USP8: variants seen among roughly 807,000 people sequenced by gnomAD.
USP8 encodes the protein ubiquitin carboxyl-terminal hydrolase 8.
USP8 carries 27 observed loss-of-function variants against 130.0 expected under a neutral mutation model. The observed-to-expected ratio is 0.21, with a 90% CI of 0.15 to 0.29. USP8 has a LOEUF of 0.29. USP8 is among the 10% of genes least tolerant of loss of function. USP8 has a pLI of 1.00. For synonymous variants in USP8, 392 were observed against 444.1 expected, an observed-to-expected ratio of 0.88 and a Z score of 1.48; for missense variants, 1,029 against 1,312.2, an observed-to-expected ratio of 0.78 and a Z score of 3.33.
chr15:50,494,021 A>G, intron 15 of USP8, 49 bp from the exon 16 acceptor site: 1 of 1,584,738 alleles, frequency 6.3e-7, no homozygotes, highest in Non-Finnish European at 8.6e-7. Flanking sequence ...ACCTTGCTTA[A>G]CTTTTAAATT....
chr15:50,448,191 T>C (rs868807059), intron 3 of USP8, among the ~76,000 whole-genome samples: 8 of 152,228 alleles, frequency 5.3e-5, no homozygotes, highest in Non-Finnish European at 1.2e-4. Flanking sequence ...GAGCCAAAGA[T>C]AGGTACTTCT....
At chr15:50,496,928 A>G (rs11637031) in intron 17 of USP8, 161 bp from the exon 18 acceptor site, 139,665 of 844,032 alleles carry the variant, frequency 0.17, 13,104 homozygotes, top group Admixed American at 0.29. Flanking sequence ...TCACTTGTCT[A>G]TGCTTCTCAC....
intron 1 of USP8, among the ~76,000 whole-genome samples, chr15:50,431,165 C>CTGTGTGTGTGTGTGTGTG (rs56771450): frequency 0.15 from 20,720 of 140,802 alleles, 1,801 homozygotes; most frequent in Middle Eastern, 0.23. Flanking sequence ...GTGTGTGCCT[C>CTGTGTGTGTGTGTGTGTG]TGTGTGTGTG....
At chr15:50,492,948 T>A in intron 15 of USP8, 35 bp downstream of exon 15, 3 of 1,551,354 alleles carry the variant, frequency 1.9e-6, no homozygotes, top group Non-Finnish European at 2.7e-6. Flanking sequence ...ATTATAATGC[T>A]AAAAGGATGA....
chr15:50,500,971 T>G lies in USP8; in HGVS notation c.*1883T>G, dbSNP rs1170652563. The G allele has an allele frequency of 1.3e-6, 1 of 750,722 alleles. No individual in the cohort carries two copies. The highest frequency in any genetic ancestry group is 2.8e-5 in the East Asian group (1 of 35,896). 46.5% of individuals were successfully genotyped at this position (750,722 alleles called of 1,614,324 possible). A position where few individuals can be genotyped will look rare whatever the true frequency, so the allele number is the denominator to read the frequency against. On this transcript the variant is annotated 3_prime_UTR_variant, in exon 20 of 20. Coordinates refer to ENST00000307179, the MANE Select transcript of USP8 (RefSeq NM_005154.5). The stretch of plus-strand genomic sequence containing the variant: ...TAAAAGGAAGTGATAATTTTGTTGT[T>G]AAATCATGCATATAGCCTGACTGCT...
intron 3 of USP8, among the ~76,000 whole-genome samples, chr15:50,447,477 G>A (rs889420662): frequency 6.6e-6 from 1 of 152,102 alleles, no homozygotes; most frequent in African/African-American, 2.4e-5. Context: ...CTGACCTCAG[G>A]TGATCCACCC....
intron 7 of USP8, among the ~76,000 whole-genome samples, chr15:50,465,880 C>T (rs1414989386): frequency 2.0e-5 from 3 of 152,172 alleles, no homozygotes; most frequent in Non-Finnish European, 2.9e-5. Flanking sequence ...AGGTTTCCAT[C>T]TGTAAAATGG....
intron 2 of USP8, 127 bp downstream of exon 2, chr15:50,439,304 T>C (rs1301614179): frequency 1.7e-6 from 1 of 595,688 alleles, no homozygotes. Context: ...AAGTAGGACC[T>C]CCTTAGAGAA....
intron 3 of USP8, among the ~76,000 whole-genome samples, chr15:50,445,706 A>T (rs2050414146): frequency 1.3e-5 from 2 of 151,418 alleles, no homozygotes; most frequent in Non-Finnish European, 2.9e-5. Flanking sequence ...GTAAAAAAAA[A>T]ATTAGCTAGG....
chr15:50,451,686 G>A (rs1473114589), intron 4 of USP8, among the ~76,000 whole-genome samples: 1 of 152,162 alleles, frequency 6.6e-6, no homozygotes, highest in Non-Finnish European at 1.5e-5. Context: ...CCATGTTGGT[G>A]TCTTTCATGG....
At chr15:50,435,538 T>C (rs553999406) in intron 1 of USP8, among the ~76,000 whole-genome samples, 4 of 152,352 alleles carry the variant, frequency 2.6e-5, no homozygotes, top group African/African-American at 9.6e-5. Flanking sequence ...GGAATTACTA[T>C]ATATGTTTTG....
rs997423047 is a variant in USP8 at position 50,501,755 on chromosome 15, G to C, written c.*2667G>C. 6.6e-6 allele frequency: 1 copy of C among 152,094 alleles called. No homozygotes were observed. Among genetic ancestry groups the C allele is most frequent in the South Asian group, 2.1e-4 (1 of 4,828 alleles). The allele number at this position is 152,094 out of a possible 1,614,324, so 9.4% of individuals were successfully genotyped here. On this transcript the variant is annotated 3_prime_UTR_variant, in exon 20 of 20. Coordinates refer to ENST00000307179, the MANE Select transcript of USP8 (RefSeq NM_005154.5). ...AGGAGGTGTTATGGTGTATGATAAG[G>C]GTCAGCAAACCACGGCCCGTGGGTC... is the stretch of plus-strand genomic sequence containing the variant.
intron 14 of USP8, among the ~76,000 whole-genome samples, chr15:50,491,463 A>G (rs1341130269): frequency 6.6e-6 from 1 of 152,214 alleles, no homozygotes; most frequent in African/African-American, 2.4e-5. Flanking sequence ...TTCTTCTTGA[A>G]TCATTCTTAA....
intron 1 of USP8, among the ~76,000 whole-genome samples, chr15:50,429,520 T>G (rs1440423712): frequency 6.8e-6 from 1 of 147,034 alleles, no homozygotes; most frequent in African/African-American, 2.4e-5. Context: ...GTGTTAGAAT[T>G]CATTTGGGAA....
chr15:50,440,266 C>T (rs568613791), intron 2 of USP8, among the ~76,000 whole-genome samples: 1 of 152,116 alleles, frequency 6.6e-6, no homozygotes, highest in Non-Finnish European at 1.5e-5. Context: ...GGCCTAAGAC[C>T]GTTTATTCCT....
At chr15:50,466,449 G>C (rs1595943753) in intron 7 of USP8, among the ~76,000 whole-genome samples, 1 of 152,016 alleles carries the variant, frequency 6.6e-6, no homozygotes, top group African/African-American at 2.4e-5. Flanking sequence ...AAATACTTCA[G>C]CCAGGTGAGG....
At chr15:50,479,305 T>C (rs752140300) in intron 10 of USP8, among the ~76,000 whole-genome samples, 34 of 152,110 alleles carry the variant, frequency 2.2e-4, no homozygotes, top group Non-Finnish European at 4.1e-4. Flanking sequence ...AAGAAACAAG[T>C]AGAAAATTCT....
chr15:50,459,427 T>C (rs1325813358), intron 5 of USP8, among the ~76,000 whole-genome samples: 2 of 151,972 alleles, frequency 1.3e-5, no homozygotes, highest in Non-Finnish European at 2.9e-5. Context: ...CTACTAAAAA[T>C]ACAAAAGTTA....
rs1595981415 is a variant in USP8 at position 50,490,253 on chromosome 15, TCCATCTAAG to T, written c.1972-9_1972-1del. 5.1e-6 allele frequency: 8 copies of T among 1,581,138 alleles called. No individual in the cohort carries two copies. Among genetic ancestry groups the T allele is most frequent in the African/African-American group, 1.4e-5 (1 of 72,766 alleles). ...TTTTGACCTGTTTTTTTTTTTCTTT[TCCATCTAAG>T]TTTCTTGACCCAATCACTGGAACCT... On this transcript the variant is annotated splice_acceptor_variant and splice_polypyrimidine_tract_variant and intron_variant, in intron 13 of 19. Transcript: ENST00000307179. LOFTEE classifies it high-confidence loss of function.
Sources: allele counts gnomAD v4.1 joint callset (sites outside exome capture counted in the v4.1 genomes callset), GRCh38; gene constraint gnomAD v4.1.1; transcripts MANE v1.5; gene names NCBI Gene and HGNC (gene_info 2026-07-23, HGNC 2026-07-21).